The following FRMD8 variants were observed in gnomAD, a reference collection of about 807,000 sequenced individuals.
FRMD8 encodes the protein FERM domain-containing protein 8.
A neutral mutation model predicts 54.2 loss-of-function variants in FRMD8; 37 were observed. The observed-to-expected ratio is 0.68, with a 90% confidence interval of 0.53 to 0.90. FRMD8 has a LOEUF of 0.90. Ranked by LOEUF, FRMD8 falls within the 40% of genes least tolerant of loss-of-function variation. The probability of loss-of-function intolerance (pLI) is 0.00; values close to 1 mark genes in which losing one functional copy is unlikely to be tolerated. For missense variants in FRMD8, 585 were observed against 653.7 expected (o/e 0.89, Z 1.15); for synonymous variants, 246 against 286.9 (o/e 0.86, Z 1.44).
the FRMD8 span, chr11:65,376,932 C>G: frequency 6.2e-7 from 1 of 1,613,470 alleles, no homozygotes; most frequent in Non-Finnish European, 8.5e-7. Context: ...CGGAACAGCC[C>G]CCGGGGCCCC....
intron 10 of FRMD8, among the ~76,000 whole-genome samples, chr11:65,410,906 C>A (rs1856315890): frequency 6.6e-6 from 1 of 152,188 alleles, no homozygotes; most frequent in Non-Finnish European, 1.5e-5. Context: ...AAGTGCCTAC[C>A]TTAGTCAGAT....
At chr11:65,376,314 G>T in the FRMD8 span, 1 of 1,458,392 alleles carries the variant, frequency 6.9e-7, no homozygotes, top group Non-Finnish European at 9.3e-7. Flanking sequence ...TGAGCCTCTT[G>T]CACTGATTTG....
chr11:65,378,074 T>G, the FRMD8 span: 2 of 152,084 alleles, frequency 1.3e-5, no homozygotes, highest in Admixed American at 1.3e-4. Flanking sequence ...TACCATCCCT[T>G]GGGAGATGGG....
chr11:65,379,755 A>C, the FRMD8 span: 1 of 1,431,866 alleles, frequency 7.0e-7, no homozygotes, highest in African/African-American at 1.4e-5. Flanking sequence ...AGGATCCCAG[A>C]CTTGGTCTTC....
At chr11:65,372,315 A>C in the FRMD8 span, among the ~76,000 whole-genome samples, 1 of 152,050 alleles carries the variant, frequency 6.6e-6, no homozygotes, top group Admixed American at 6.6e-5. Flanking sequence ...ACTGTGCAGG[A>C]GTGAGTTATT....
intron 3 of FRMD8, among the ~76,000 whole-genome samples, chr11:65,390,217 G>A (rs1048656593): frequency 6.6e-6 from 1 of 152,086 alleles, no homozygotes; most frequent in Non-Finnish European, 1.5e-5. Context: ...AAGATGGAGG[G>A]ACTTAAGGGC....
the FRMD8 span, among the ~76,000 whole-genome samples, chr11:65,374,199 A>T: frequency 1.4e-5 from 2 of 144,274 alleles, no homozygotes; most frequent in African/African-American, 5.7e-5. Context: ...GCAGCACATG[A>T]TCTGGTGAAG....
In FRMD8 at chr11:65,411,246, G is replaced by C; in HGVS notation, c.1281G>C (p.Lys427Asn). 6.2e-7 allele frequency: 1 copy of C among 1,605,640 alleles called. No individual in the cohort carries two copies. The highest frequency in any genetic ancestry group is 1.1e-5 in the South Asian group (1 of 90,186). ...TGCCCTCCCATTCCCTCGCAGGCAA[G>C]GGGATCAGGCGAGTGAAGCCGAAGC... ...LSTIDYVEDG[K>N]GIRRVKPKRT... is the part of the protein sequence containing the mutation. Residue 427 changes from lysine to asparagine, a missense_variant, in exon 11 of 11, where the codon AAG becomes AAC. Physicochemically the swap from Lys to Asn is moderately conservative, Grantham distance 94. Transcript: ENST00000317568.
chr11:65,374,360 A>AGCCATGTGCCCAGGAGG, the FRMD8 span, among the ~76,000 whole-genome samples: 1 of 152,052 alleles, frequency 6.6e-6, no homozygotes, highest in Admixed American at 6.6e-5. Flanking sequence ...CAGGGTAGCT[A>AGCCATGTGCCCAGGAGG]AGTAACTGGA....
chr11:65,371,102 C>A, the FRMD8 span, among the ~76,000 whole-genome samples: 2 of 152,146 alleles, frequency 1.3e-5, no homozygotes, highest in Non-Finnish European at 2.9e-5. Flanking sequence ...GTGGGCCTGG[C>A]ACTCAGGAGC....
At chr11:65,387,992 CCT>C in intron 2 of FRMD8, among the ~76,000 whole-genome samples, 1 of 152,156 alleles carries the variant, frequency 6.6e-6, no homozygotes, top group Admixed American at 6.5e-5. Flanking sequence ...TGGAGAAACC[CCT>C]GTCTCTACTA....
chr11:65,392,215 T>G (rs1012031961), intron 3 of FRMD8, among the ~76,000 whole-genome samples: 2 of 151,994 alleles, frequency 1.3e-5, no homozygotes, highest in South Asian at 4.1e-4. Context: ...AGAGGCTGGA[T>G]GCAGGGGTGG....
At chr11:65,375,149 G>C in the FRMD8 span, 1 of 152,254 alleles carries the variant, frequency 6.6e-6, no homozygotes, top group Non-Finnish European at 1.5e-5. Flanking sequence ...CAGGGAAGCA[G>C]GTGTGGCAGC....
chr11:65,405,749 C>T (rs1400921232), intron 10 of FRMD8, among the ~76,000 whole-genome samples: 1 of 152,110 alleles, frequency 6.6e-6, no homozygotes, highest in Non-Finnish European at 1.5e-5. Context: ...CCTGTAATCC[C>T]AGTACTTTGG....
chr11:65,376,795 T>C, the FRMD8 span: 1 of 1,614,190 alleles, frequency 6.2e-7, no homozygotes, highest in Non-Finnish European at 8.5e-7. Flanking sequence ...CTGTCCCCCA[T>C]CCTCTCACGC....
intron 10 of FRMD8, among the ~76,000 whole-genome samples, chr11:65,407,666 A>G (rs890572179): frequency 2.0e-5 from 3 of 151,812 alleles, no homozygotes; most frequent in Non-Finnish European, 2.9e-5. Flanking sequence ...CAAGGTGGGC[A>G]GATCACGAGG....
At chr11:65,380,614 C>T in the FRMD8 span, 1 of 1,292,780 alleles carries the variant, frequency 7.7e-7, no homozygotes, top group Non-Finnish European at 1.0e-6. Flanking sequence ...GCCAGCTGGC[C>T]ACGCAGAACT....
At chr11:65,407,229 A>G (rs758388960) in intron 10 of FRMD8, among the ~76,000 whole-genome samples, 1 of 1,404 alleles carries the variant, frequency 7.1e-4, no homozygotes, top group African/African-American at 7.2e-4. Flanking sequence ...AAAGATCTAC[A>G]TTTATTTATT....
intron 2 of FRMD8, among the ~76,000 whole-genome samples, chr11:65,388,706 A>G (rs1420491671): frequency 6.6e-6 from 1 of 152,204 alleles, no homozygotes; most frequent in East Asian, 1.9e-4. Flanking sequence ...GTTCTTCCCT[A>G]GCCTGCTTCG....
Sources: allele counts gnomAD v4.1 joint callset (sites outside exome capture counted in the v4.1 genomes callset), GRCh38; gene constraint gnomAD v4.1.1; transcripts MANE v1.5; gene names NCBI Gene and HGNC (gene_info 2026-07-23, HGNC 2026-07-21).